Variants in ACYP2 observed in about 807,000 individuals in gnomAD.
The protein encoded by ACYP2 is acylphosphatase-2.
Under a neutral mutation model 11.2 loss-of-function variants are expected in ACYP2, and 12 were observed. The ratio of observed to expected loss-of-function variants is 1.08; its 90% CI spans 0.69 to 1.74. ACYP2 has a LOEUF of 1.74. Among genes scored for constraint, ACYP2 ranks in the 40% most tolerant of loss-of-function variants. The pLI, the probability that ACYP2 is intolerant of heterozygous loss-of-function variation, is 0.00. For synonymous variants in ACYP2, 43 were observed against 32.2 expected (o/e 1.33, Z -1.13); for missense variants, 134 against 101.9 (o/e 1.31, Z -1.35).
At chr2:54,228,263 C>G (rs13415920) in intron 6 of ACYP2, among the ~76,000 whole-genome samples, 2,715 of 152,228 alleles carry the variant, frequency 0.018, 87 homozygotes, top group African/African-American at 0.062. Flanking sequence ...GAGCAAAGGT[C>G]TAAAGATAGT....
intron 2 of ACYP2, among the ~76,000 whole-genome samples, chr2:54,019,252 G>A (rs1673864624): frequency 6.6e-6 from 1 of 151,582 alleles, no homozygotes; most frequent in Admixed American, 6.6e-5. Flanking sequence ...AATATTTTTT[G>A]TGGAGATGTG....
chr2:54,192,524 T>A (rs952396762), intron 6 of ACYP2, among the ~76,000 whole-genome samples: 13 of 152,192 alleles, frequency 8.5e-5, no homozygotes, highest in African/African-American at 3.1e-4. Context: ...TTTATTGATA[T>A]AAGTTTCTAA....
At chr2:53,971,880 C>G (rs991962386) in intron 1 of ACYP2, among the ~76,000 whole-genome samples, 1 of 152,154 alleles carries the variant, frequency 6.6e-6, no homozygotes, top group African/African-American at 2.4e-5. Context: ...ATTCAAAGTT[C>G]AAAATAGCGT....
intron 6 of ACYP2, among the ~76,000 whole-genome samples, chr2:54,296,371 C>A (rs1689525204): frequency 6.6e-6 from 1 of 152,160 alleles, no homozygotes; most frequent in Non-Finnish European, 1.5e-5. Context: ...GCTGTGGAAA[C>A]TCTGAGGGGA....
At chr2:54,091,721 G>C (rs528771042) in intron 4 of ACYP2, among the ~76,000 whole-genome samples, 12 of 151,928 alleles carry the variant, frequency 7.9e-5, no homozygotes, top group African/African-American at 2.7e-4. Context: ...CATGTTGGTC[G>C]GGCTGGTCTC....
At chr2:54,085,591 A>G (rs1677906368) in intron 4 of ACYP2, among the ~76,000 whole-genome samples, 1 of 152,198 alleles carries the variant, frequency 6.6e-6, no homozygotes, top group Non-Finnish European at 1.5e-5. Context: ...ACTTAACTCT[A>G]GTTTATATCA....
intron 6 of ACYP2, among the ~76,000 whole-genome samples, chr2:54,177,974 G>A (rs1350185245): frequency 1.4e-5 from 2 of 147,276 alleles, no homozygotes; most frequent in African/African-American, 5.0e-5. Flanking sequence ...GCGCCATCTC[G>A]GCTCACTGCA....
rs900791881 is a variant in ACYP2 at position 54,028,153 on chromosome 2, T to C, written c.63-22805T>C. ...CCACCGTGCCTGGCCTTAGTCATTA[T>C]GTTTCTTTGGGCTACTCTTGGCTAT... On this transcript the variant is annotated intron_variant, in intron 2 of 6. Coordinates refer to ENST00000607452, the MANE Select transcript of ACYP2 (RefSeq NM_001320586.2). Among the ~76,000 whole-genome samples the C allele has an allele frequency of 1.3e-5, 2 of 152,194 alleles. 1 individual carries two copies. The highest frequency in any genetic ancestry group is 4.8e-5 in the African/African-American group (2 of 41,448).
intron 1 of ACYP2, among the ~76,000 whole-genome samples, chr2:53,972,370 G>A (rs1293049289): frequency 2.6e-5 from 4 of 151,640 alleles, no homozygotes; most frequent in Admixed American, 6.6e-5. Flanking sequence ...ACTTTGGGAG[G>A]CCGAGGCGGG....
intron 2 of ACYP2, among the ~76,000 whole-genome samples, chr2:54,028,683 A>T (rs1369934002): frequency 6.6e-6 from 1 of 152,176 alleles, no homozygotes; most frequent in Admixed American, 6.5e-5. Flanking sequence ...AGGCCATTGT[A>T]TGTTCTTCGG....
chr2:54,042,741 C>A (rs1675301986), intron 2 of ACYP2, among the ~76,000 whole-genome samples: 2 of 152,122 alleles, frequency 1.3e-5, no homozygotes, highest in African/African-American at 4.8e-5. Flanking sequence ...AATTTGTATT[C>A]AGCAGGCCGA....
rs202037916 is a variant in ACYP2, at chr2:54,018,501, G to A, written c.63-32457G>A. On this transcript the variant is annotated intron_variant, in intron 2 of 6. Coordinates refer to ENST00000607452, the MANE Select transcript of ACYP2 (RefSeq NM_001320586.2). ...TTGTTGCCAGATGAACAGAATAAAA[G>A]GCACAGGTTAAAAAAAAAAGGGAGT... 6.0e-4 allele frequency among the ~76,000 whole-genome samples: 88 copies of A among 146,216 alleles called. No homozygotes were observed. In the East Asian group the frequency reaches 0.017, roughly 28 times the overall value.
At chr2:54,193,518 T>C (rs1684326315) in intron 6 of ACYP2, among the ~76,000 whole-genome samples, 1 of 152,182 alleles carries the variant, frequency 6.6e-6, no homozygotes, top group South Asian at 2.1e-4. Flanking sequence ...ACACACTTAG[T>C]CGTGACAAGT....
At chr2:54,124,444 C>T (rs1004646431) in intron 4 of ACYP2, among the ~76,000 whole-genome samples, 1 of 152,188 alleles carries the variant, frequency 6.6e-6, no homozygotes, top group African/African-American at 2.4e-5. Flanking sequence ...GATCCACCCT[C>T]CTCGGCCTCC....
At chr2:54,153,873 T>C (rs1384421582) in intron 6 of ACYP2, among the ~76,000 whole-genome samples, 1 of 152,154 alleles carries the variant, frequency 6.6e-6, no homozygotes, top group East Asian at 1.9e-4. Context: ...GTGCTGGGAT[T>C]ATAGGCATGA....
chr2:54,193,635 T>C (rs1374230164), intron 6 of ACYP2, among the ~76,000 whole-genome samples: 1 of 152,214 alleles, frequency 6.6e-6, no homozygotes, highest in East Asian at 1.9e-4. Context: ...CAAATTTTCA[T>C]TTAATAATAT....
chr2:54,204,070 C>T (rs1684967924), intron 6 of ACYP2, among the ~76,000 whole-genome samples: 1 of 152,216 alleles, frequency 6.6e-6, no homozygotes. Flanking sequence ...TCTCGGCTCA[C>T]TGCGACCTCT....
chr2:54,302,865 A>C (rs1224504443), intron 6 of ACYP2, among the ~76,000 whole-genome samples: 1 of 152,130 alleles, frequency 6.6e-6, no homozygotes, highest in Non-Finnish European at 1.5e-5. Flanking sequence ...ATCTACTTTT[A>C]CTATACCTTC....
At chr2:54,041,354 A>G (rs756397078) in intron 2 of ACYP2, among the ~76,000 whole-genome samples, 8 of 152,116 alleles carry the variant, frequency 5.3e-5, no homozygotes, top group Non-Finnish European at 8.8e-5. Flanking sequence ...CTCTCTTCTG[A>G]TTCATTCTAT....
Sources: allele counts gnomAD v4.1 joint callset (sites outside exome capture counted in the v4.1 genomes callset), GRCh38; gene constraint gnomAD v4.1.1; transcripts MANE v1.5; gene names NCBI Gene and HGNC (gene_info 2026-07-23, HGNC 2026-07-21).